The following RCAN2 variants were observed in gnomAD, a reference collection of about 807,000 sequenced individuals.
RCAN2 encodes the protein regulator of calcineurin 2, also known as calcipressin-2.
A neutral mutation model predicts 23.6 loss-of-function variants in RCAN2; 9 were observed. The observed-to-expected ratio is 0.38, with a 90% confidence interval of 0.23 to 0.67. The LOEUF is 0.67. Among genes scored for constraint, RCAN2 ranks in the 30% least tolerant of loss-of-function variants. RCAN2 has a pLI of 0.51. For missense variants in RCAN2, 273 were observed against 302.3 expected (o/e 0.90, Z 0.72); for synonymous variants, 109 against 115.7 (o/e 0.94, Z 0.37).
At chr6:46,351,850 CAG>C (rs1275619411) in intron 2 of RCAN2, among the ~76,000 whole-genome samples, 1 of 152,188 alleles carries the variant, frequency 6.6e-6, no homozygotes, top group Non-Finnish European at 1.5e-5. Flanking sequence ...CTGTGGCTCC[CAG>C]CCCTCTAGAA....
rs149070483 is a variant in RCAN2 at position 46,333,618 on chromosome 6, CT to C, written c.226-84723del. The stretch of plus-strand genomic sequence containing the variant: ...TCTCCACAGGAATTGTACTATTTTT[CT>C]TCCCCACCAGCAATTTATGAGAAAG... On this transcript the variant is annotated intron_variant, in intron 2 of 4. Transcript: ENST00000371374. Among the ~76,000 whole-genome samples the C allele has an allele frequency of 6.0e-3, 910 of 152,310 alleles. 9 individuals are homozygous for C. The highest frequency in any genetic ancestry group is 0.02 in the African/African-American group (822 of 41,578).
chr6:46,334,341 A>T (rs1764075854), intron 2 of RCAN2, among the ~76,000 whole-genome samples: 1 of 152,170 alleles, frequency 6.6e-6, no homozygotes, highest in Non-Finnish European at 1.5e-5. Flanking sequence ...CCCCCAAACA[A>T]CAAGGCCTGC....
intron 2 of RCAN2, among the ~76,000 whole-genome samples, chr6:46,416,211 AT>A (rs1766712366): frequency 6.6e-6 from 1 of 151,870 alleles, no homozygotes; most frequent in South Asian, 2.1e-4. Context: ...ATTAAGTAAG[AT>A]TTTGTAAAAA....
intron 2 of RCAN2, among the ~76,000 whole-genome samples, chr6:46,272,933 C>T (rs186289998): frequency 8.1e-4 from 123 of 152,224 alleles, no homozygotes; most frequent in Admixed American, 4.3e-3. Context: ...CCATGTTCAC[C>T]GTATCTAAGC....
At chr6:46,272,461 T>C (rs1487357043) in intron 2 of RCAN2, among the ~76,000 whole-genome samples, 1 of 152,194 alleles carries the variant, frequency 6.6e-6, no homozygotes, top group Non-Finnish European at 1.5e-5. Context: ...CCTCTTGAAA[T>C]AAGGGACAAT....
At chr6:46,299,043 G>T (rs932833760) in intron 2 of RCAN2, among the ~76,000 whole-genome samples, 5 of 152,052 alleles carry the variant, frequency 3.3e-5, no homozygotes, top group African/African-American at 1.2e-4. Context: ...TTAAGTGGGA[G>T]CTAAACACTG....
At chr6:46,274,875 T>C (rs1259983051) in intron 2 of RCAN2, among the ~76,000 whole-genome samples, 2 of 152,162 alleles carry the variant, frequency 1.3e-5, no homozygotes, top group Non-Finnish European at 2.9e-5. Flanking sequence ...GGAGACCCTT[T>C]GGCCAGGACA....
intron 2 of RCAN2, among the ~76,000 whole-genome samples, chr6:46,413,746 T>C (rs566941671): frequency 9.8e-5 from 15 of 152,310 alleles, no homozygotes; most frequent in African/African-American, 3.6e-4. Context: ...AGTCTCTTTA[T>C]GATTACAGAG....
intron 2 of RCAN2, among the ~76,000 whole-genome samples, chr6:46,381,669 G>C (rs995637669): frequency 1.3e-5 from 2 of 152,166 alleles, no homozygotes; most frequent in Non-Finnish European, 1.5e-5. Flanking sequence ...GAAAGGCTCA[G>C]TCCATATAAG....
At chr6:46,239,310 G>A (rs138926972) in intron 4 of RCAN2, among the ~76,000 whole-genome samples, 182 of 152,304 alleles carry the variant, frequency 1.2e-3, no homozygotes, top group African/African-American at 4.1e-3. Context: ...AAGAGGATTT[G>A]GGATTAAAAG....
chr6:46,252,487 C>G (rs543132172), intron 2 of RCAN2, among the ~76,000 whole-genome samples: 2 of 152,258 alleles, frequency 1.3e-5, no homozygotes, highest in East Asian at 3.9e-4. Context: ...TCTTTACACT[C>G]TTAATAATTA....
rs1765518678 is a variant in RCAN2, at chr6:46,222,773, G to C, written c.*368C>G. ...TGGTCCTATTTAAGTGGCCAGGAGA[G>C]AACAACGCACACACATCAGGACTGG... On this transcript the variant is annotated 3_prime_UTR_variant, in exon 5 of 5. Transcript: ENST00000371374. The C allele has an allele frequency of 5.3e-6, 1 of 188,730 alleles. No individual in the cohort carries two copies. The highest frequency in any genetic ancestry group is 1.1e-5 in the Non-Finnish European group (1 of 91,966). 11.7% of individuals were successfully genotyped at this position (188,730 alleles called of 1,614,324 possible).
rs576084887 is a variant in RCAN2, at chr6:46,308,079, G to A, written c.226-59183C>T. Among the ~76,000 whole-genome samples, 9 of 152,334 alleles carry A rather than the reference G, an allele frequency of 5.9e-5. No individual in the cohort carries two copies. In the South Asian group the frequency reaches 1.0e-3, roughly 18 times the overall value. On this transcript the variant is annotated intron_variant, in intron 2 of 4. Transcript: ENST00000371374. ...AAGGCCTTGTGCTGTGATGAGGAGT[G>A]CAGGCTCCCAGCCTGACAACCCAGT...
At chr6:46,387,182 A>T (rs2150396482) in intron 2 of RCAN2, among the ~76,000 whole-genome samples, 1 of 152,346 alleles carries the variant, frequency 6.6e-6, no homozygotes, top group East Asian at 1.9e-4. Flanking sequence ...CATTCAGGAC[A>T]CAGGCATGGG....
At chr6:46,459,180 G>A (rs1768142164) in intron 1 of RCAN2, among the ~76,000 whole-genome samples, 1 of 152,230 alleles carries the variant, frequency 6.6e-6, no homozygotes, top group Non-Finnish European at 1.5e-5. Flanking sequence ...TTTCAGGCAT[G>A]AGCCACTGCA....
intron 4 of RCAN2, among the ~76,000 whole-genome samples, chr6:46,230,470 C>T (rs1480995194): frequency 6.6e-6 from 1 of 152,216 alleles, no homozygotes; most frequent in East Asian, 1.9e-4. Flanking sequence ...CAAGCCTCAG[C>T]AATGGTGGAT....
chr6:46,244,994 C>CAT (rs1766463744), intron 4 of RCAN2, among the ~76,000 whole-genome samples: 1 of 152,214 alleles, frequency 6.6e-6, no homozygotes, highest in Non-Finnish European at 1.5e-5. Context: ...CACAAGGCTT[C>CAT]ATGTGAGTAG....
intron 2 of RCAN2, among the ~76,000 whole-genome samples, chr6:46,265,801 T>C (rs1022865550): frequency 2.0e-5 from 3 of 152,206 alleles, no homozygotes; most frequent in South Asian, 4.1e-4. Context: ...TTTTATTCCA[T>C]AAAATTTCAT....
rs551049422 is a variant in RCAN2 at position 46,227,419 on chromosome 6, C to T, written c.572-4118G>A. Among the ~76,000 whole-genome samples the T allele has an allele frequency of 1.4e-3, 218 of 152,152 alleles. 2 individuals carry two copies. The highest frequency in any genetic ancestry group is 5.1e-3 in the African/African-American group (210 of 41,494). The stretch of plus-strand genomic sequence containing the variant: ...GGCTGTGAATACATCTGGTTCTGGA[C>T]TTTTTTTGGTTCGTAGGCTATCAAT... On this transcript the variant is annotated intron_variant, in intron 4 of 4. Coordinates refer to ENST00000371374, the MANE Select transcript of RCAN2 (RefSeq NM_001251974.2).
Sources: gnomAD v4.1 joint callset for allele counts (sites outside exome capture counted in the v4.1 genomes callset) on GRCh38, gnomAD v4.1.1 for gene constraint, MANE v1.5 for transcripts, NCBI Gene and HGNC (gene_info 2026-07-23, HGNC 2026-07-21) for gene names.